The following BBS2 variants were observed in gnomAD, a reference collection of about 807,000 sequenced individuals.
The protein encoded by BBS2 is BBSome complex member BBS2.
In BBS2, 62 loss-of-function variants were observed where a neutral mutation model predicts 83.0. That is an observed-to-expected ratio of 0.75 (90% CI 0.61 to 0.92). The LOEUF is 0.92. BBS2 is among the 40% of genes least tolerant of loss of function. BBS2 has a pLI of 0.00. For synonymous variants in BBS2, 303 were observed against 326.1 expected, an observed-to-expected ratio of 0.93 and a Z score of 0.76; for missense variants, 784 against 901.0, an observed-to-expected ratio of 0.87 and a Z score of 1.66.
chr16:56,474,097 A>G (rs1433779473), intron 17 of BBS2, among the ~76,000 whole-genome samples: 2 of 152,006 alleles, frequency 1.3e-5, no homozygotes, highest in Non-Finnish European at 2.9e-5. Flanking sequence ...AGATTGTAAT[A>G]GTTCATTTTT....
chr16:56,507,548 A>G (rs1224737651), intron 5 of BBS2, among the ~76,000 whole-genome samples: 1 of 152,180 alleles, frequency 6.6e-6, no homozygotes, highest in Non-Finnish European at 1.5e-5. Flanking sequence ...GGGACACACC[A>G]TCTATCAGCC....
chr16:56,501,784 T>G (rs1365776555), intron 9 of BBS2: 10 of 447,296 alleles, frequency 2.2e-5, no homozygotes, highest in Non-Finnish European at 3.3e-5. Flanking sequence ...AGCAAACAAA[T>G]TCCCTTGTTA....
rs538794437 is a variant in BBS2 at position 56,473,485 on chromosome 16, CA to C, written c.*1-2791del. Among the ~76,000 whole-genome samples the C allele has an allele frequency of 2.8e-3, 432 of 152,294 alleles. 1 individual carries two copies. Among genetic ancestry groups the C allele is most frequent in the Non-Finnish European group, 4.1e-3 (281 of 68,032 alleles). On this transcript the variant is annotated intron_variant, in intron 17 of 17. Coordinates refer to the BBS2 transcript ENST00000682047. The stretch of plus-strand genomic sequence containing the variant: ...CTTCTCAGAAGTACAGGTGATACAT[CA>C]AAGACTGCTCAAAATTTTAAGGCAG...
rs1410677685 is a variant in BBS2 at position 56,506,235 on chromosome 16, A to G, written c.613-11T>C. The G allele has an allele frequency of 3.8e-6, 6 of 1,598,494 alleles. No homozygotes were observed. In the Admixed American group the frequency reaches 1.0e-4, roughly 27 times the overall value. ...AAGAGAGGTGACTATCTGCAAAACA[A>G]TCCACAAAAACACAACATCTTTTCA... On this transcript the variant is annotated splice_polypyrimidine_tract_variant and intron_variant, in intron 5 of 16. Coordinates refer to ENST00000245157, the MANE Select transcript of BBS2 (RefSeq NM_031885.5).
At chr16:56,501,528 G>C (rs1402878036) in intron 9 of BBS2, 31 bp from the exon 10 acceptor site, 1 of 1,614,000 alleles carries the variant, frequency 6.2e-7, no homozygotes, top group Admixed American at 1.7e-5. Context: ...TTCCTACTCA[G>C]TCACCAAAAC....
chr16:56,490,277 T>C (rs1012386758), intron 15 of BBS2, among the ~76,000 whole-genome samples: 30 of 152,000 alleles, frequency 2.0e-4, no homozygotes, highest in African/African-American at 6.8e-4. Context: ...AAGCAAAATA[T>C]ACAAGTACTA....
intron 15 of BBS2, 66 bp from the exon 16 acceptor site, chr16:56,485,804 A>G: frequency 6.7e-7 from 1 of 1,503,012 alleles, no homozygotes; most frequent in Middle Eastern, 1.7e-4. Flanking sequence ...AAAAACTTGC[A>G]AATTTCTTAG....
chr16:56,506,034 C>A lies in BBS2; in HGVS notation c.720G>T (p.Ser240=). 6.2e-7 allele frequency: 1 copy of A among 1,613,746 alleles called. No homozygotes were observed. The highest frequency in any genetic ancestry group is 1.1e-5 in the South Asian group (1 of 91,040). Residue 240 remains serine, a splice_region_variant and synonymous_variant, in exon 7 of 17, where the codon TCG becomes TCT. Coordinates refer to ENST00000245157, the MANE Select transcript of BBS2 (RefSeq NM_031885.5). ...CATGAATGCTCATGGCATGATTTTT[C>A]GACTGAAAAAGAATTTTAATAATTA... ...DKTSRYWRIK[S]KNHAMSIHAF... is the part of the protein sequence containing the mutation.
chr16:56,471,401 T>C (rs1057285935), intron 17 of BBS2, among the ~76,000 whole-genome samples: 2 of 151,898 alleles, frequency 1.3e-5, no homozygotes, highest in Admixed American at 6.6e-5. Flanking sequence ...AGTAGCCTCT[T>C]AGGCGAATAG....
rs773315255 is a variant in BBS2, at chr16:56,497,789, G to A, written c.1751C>T (p.Ala584Val). Reference protein sequence around the residue: ...FFAIEDLQVEADFPVYFEELR... With the variant: ...FFAIEDLQVEVDFPVYFEELR... ...TTCCTCAAAATAGACAGGAAAATCC[G>A]CTTCTACTTGAAGGTCTTCAATAGC... Residue 584 changes from alanine (A) to valine (V), a missense_variant, in exon 14 of 17, where the codon GCG (alanine) becomes GTG (valine). Physicochemically the swap from Ala to Val is moderately conservative, Grantham distance 64. Coordinates refer to ENST00000245157, the MANE Select transcript of BBS2 (RefSeq NM_031885.5). 1.1e-5 allele frequency: 17 copies of A among 1,613,040 alleles called. No individual in the cohort carries two copies. The highest frequency in any genetic ancestry group is 8.0e-5 in the African/African-American group (6 of 74,758).
chr16:56,489,156 T>C lies in BBS2; in HGVS notation c.1911-3418A>G, dbSNP rs551876583. ...GAGTTTGAGACTAGCCTGGGCAATA[T>C]AGTGAGACCCTGTCTCTACCAAAAA... On this transcript the variant is annotated intron_variant, in intron 15 of 16. Transcript: ENST00000245157. Among the ~76,000 whole-genome samples, 119 of 151,402 alleles carry C rather than the reference T, an allele frequency of 7.9e-4. 2 individuals carry two copies. Among genetic ancestry groups the C allele is most frequent in the Admixed American group, 2.1e-3 (32 of 15,194 alleles).
chr16:56,491,464 C>A (rs1176072466), intron 15 of BBS2, among the ~76,000 whole-genome samples: 1 of 152,064 alleles, frequency 6.6e-6, no homozygotes, highest in African/African-American at 2.4e-5. Flanking sequence ...ACACATGGCC[C>A]TCAACAGAAG....
chr16:56,476,395 T>A, intron 17 of BBS2: 2 of 382,690 alleles, frequency 5.2e-6, no homozygotes, highest in Non-Finnish European at 9.0e-6. Context: ...TAAGTACTTA[T>A]CTCTTGATTA....
At chr16:56,496,394 A>G (rs185497740) in intron 15 of BBS2, among the ~76,000 whole-genome samples, 1 of 152,314 alleles carries the variant, frequency 6.6e-6, no homozygotes, top group East Asian at 1.9e-4. Context: ...CTCCTTCTCT[A>G]GGAGAAAATA....
In BBS2 at chr16:56,484,783, C is replaced by A; in HGVS notation, c.2144G>T (p.Arg715Leu). The change falls in exon 17 of 17, where the codon CGA (arginine) becomes CTA (leucine). Residue 715 changes from arginine to leucine, a missense_variant. By Grantham distance (102) the Arg-to-Leu change is moderately radical (BLOSUM62 -2). Transcript: ENST00000245157. ...NNINTLFKIM[R>L]VGTASS The stretch of plus-strand genomic sequence containing the variant: ...CACCTAGGAAGAAGCTGTCCCCACT[C>A]GCATGATTTTGAACAGTGTGTTGAT... The A allele has an allele frequency of 6.2e-7, 1 of 1,613,856 alleles. No homozygotes were observed. The highest frequency in any genetic ancestry group is 8.5e-7 in the Non-Finnish European group (1 of 1,179,808).
intron 7 of BBS2, 92 bp downstream of exon 7, chr16:56,505,858 C>T: frequency 1.0e-6 from 1 of 963,408 alleles, no homozygotes; most frequent in Non-Finnish European, 1.7e-6. Flanking sequence ...CTGAAGTTTA[C>T]ATCCCAATGT....
chr16:56,513,360 C>T (rs1163323518), intron 2 of BBS2, among the ~76,000 whole-genome samples: 1 of 152,028 alleles, frequency 6.6e-6, no homozygotes, highest in Admixed American at 6.6e-5. Context: ...ATAAGAATGA[C>T]ATAACGGGTA....
chr16:56,488,289 G>C (rs928735305), intron 15 of BBS2, among the ~76,000 whole-genome samples: 1 of 152,160 alleles, frequency 6.6e-6, no homozygotes, highest in South Asian at 2.1e-4. Context: ...GACACTGTCA[G>C]ATCTCACAGA....
At chr16:56,495,139 A>C (rs1315500748) in intron 15 of BBS2, among the ~76,000 whole-genome samples, 2 of 152,188 alleles carry the variant, frequency 1.3e-5, no homozygotes, top group Admixed American at 1.3e-4. Context: ...TTTCCTGTAC[A>C]AACTGTACCT....
Sources: gnomAD v4.1 joint callset for allele counts (sites outside exome capture counted in the v4.1 genomes callset) on GRCh38, gnomAD v4.1.1 for gene constraint, MANE v1.5 for transcripts, NCBI Gene and HGNC (gene_info 2026-07-23, HGNC 2026-07-21) for gene names.